Variants in OTUD7A observed in about 807,000 individuals in gnomAD.
OTUD7A encodes OTU domain-containing protein 7A.
OTUD7A carries 12 observed loss-of-function variants against 65.7 expected under a neutral mutation model. The observed-to-expected ratio is 0.18, with a 90% CI of 0.12 to 0.30. The LOEUF (loss-of-function observed/expected upper bound fraction) is 0.30, where lower values mean the gene tolerates loss of function less well. Ranked by LOEUF, OTUD7A falls within the 10% of genes least tolerant of loss-of-function variation. The pLI is 1.00. For missense variants in OTUD7A, 1,148 were observed against 1,304.8 expected (o/e 0.88, Z 1.85); for synonymous variants, 641 against 586.3 (o/e 1.09, Z -1.35).
chr15:31,750,456 A>T (rs1894603289), intron 1 of OTUD7A, among the ~76,000 whole-genome samples: 1 of 151,256 alleles, frequency 6.6e-6, no homozygotes, highest in Non-Finnish European at 1.5e-5. Flanking sequence ...CAGATTTAAC[A>T]CTATTGCTAT....
At chr15:31,746,507 AT>A (rs33918687) in intron 1 of OTUD7A, among the ~76,000 whole-genome samples, 22,443 of 143,330 alleles carry the variant, frequency 0.16, 1,826 homozygotes, top group East Asian at 0.34. Flanking sequence ...GTTTTTACAT[AT>A]TTTTTTTTTT....
chr15:31,703,041 AAAAG>A (rs551495732), intron 1 of OTUD7A, among the ~76,000 whole-genome samples: 17 of 151,842 alleles, frequency 1.1e-4, no homozygotes, highest in African/African-American at 2.4e-4. Context: ...AAACAAGAAA[AAAAG>A]AAAGAAAGAA....
chr15:31,563,527 C>A, intron 4 of OTUD7A, among the ~76,000 whole-genome samples: 1 of 152,338 alleles, frequency 6.6e-6, no homozygotes, highest in Non-Finnish European at 1.5e-5. Flanking sequence ...TGGGGTAGGG[C>A]GTCTTGGTCC....
intron 1 of OTUD7A, among the ~76,000 whole-genome samples, chr15:31,777,704 G>C (rs1895423197): frequency 6.6e-6 from 1 of 152,204 alleles, no homozygotes; most frequent in Non-Finnish European, 1.5e-5. Flanking sequence ...GGATGCACAT[G>C]GAAGAGATCT....
chr15:31,729,708 A>G (rs1260734222), intron 1 of OTUD7A, among the ~76,000 whole-genome samples: 1 of 152,130 alleles, frequency 6.6e-6, no homozygotes, highest in Admixed American at 6.5e-5. Context: ...CCTGAGGTCA[A>G]TGCACCTTTC....
chr15:31,487,299 T>C lies in OTUD7A; in HGVS notation c.1287-21A>G, dbSNP rs764894165. On this transcript the variant is annotated intron_variant, in intron 11 of 12. Transcript: ENST00000307050. The surrounding 1 kb of genome is among the most constrained non-coding windows in gnomAD (Gnocchi z 6.0). The stretch of plus-strand genomic sequence containing the variant: ...TAAGGCTGGCAAGAGAAGAATATCC[T>C]ATTGAAATGGTCTGAGCTGGCCCTT... 6.2e-7 allele frequency: 1 copy of C among 1,612,772 alleles called. No homozygotes were observed. Among genetic ancestry groups the C allele is most frequent in the Non-Finnish European group, 8.5e-7 (1 of 1,178,900 alleles).
chr15:31,593,502 T>C (rs1468999542), intron 3 of OTUD7A, among the ~76,000 whole-genome samples: 2 of 152,112 alleles, frequency 1.3e-5, no homozygotes, highest in African/African-American at 4.8e-5. Context: ...TGCTTATAAT[T>C]GGCCTATGTT....
chr15:31,743,745 AAAAAAGAAAAG>A (rs1348734976), intron 1 of OTUD7A, among the ~76,000 whole-genome samples: 4 of 143,612 alleles, frequency 2.8e-5, no homozygotes, highest in Admixed American at 7.3e-5. Flanking sequence ...CATCTCAAAA[AAAAAAGAAAAG>A]AAAAGAAAAG....
At chr15:31,846,342 G>A (rs1373766097) in intron 1 of OTUD7A, among the ~76,000 whole-genome samples, 1 of 152,204 alleles carries the variant, frequency 6.6e-6, no homozygotes, top group East Asian at 1.9e-4. Context: ...GGTTTGTGGA[G>A]GAAGGGTATG....
rs1192264396 is a variant in OTUD7A at position 31,559,137 on chromosome 15, G to A, written c.382C>T (p.Leu128=). ...ISHASSAIVS[L]ARSHVASECN... is the part of the protein sequence containing the mutation. ...TCACTTGCCACGTGGGACCGGGCCAGGGAGACGATGGCTGAGCTGGCGTGG... is the reference window on the plus strand; with the variant it reads ...TCACTTGCCACGTGGGACCGGGCCAAGGAGACGATGGCTGAGCTGGCGTGG... The change falls in exon 5 of 13, where the codon CTG becomes TTG. Residue 128 remains leucine (L), a synonymous_variant. Transcript: ENST00000307050. 5 of 1,614,232 alleles carry A rather than the reference G, an allele frequency of 3.1e-6. No individual in the cohort carries two copies. Among genetic ancestry groups the A allele is most frequent in the Admixed American group, 1.7e-5 (1 of 60,030 alleles).
chr15:31,769,228 T>C (rs1292566203), intron 1 of OTUD7A, among the ~76,000 whole-genome samples: 1 of 152,164 alleles, frequency 6.6e-6, no homozygotes. Flanking sequence ...ACATCAGATA[T>C]ATTGTCATCA....
At chr15:31,832,211 GC>G (rs1210427961) in intron 1 of OTUD7A, among the ~76,000 whole-genome samples, 3 of 152,206 alleles carry the variant, frequency 2.0e-5, no homozygotes, top group Admixed American at 6.5e-5. Flanking sequence ...CTCCGCTGGG[GC>G]TCTCTTGGCC....
intron 1 of OTUD7A, among the ~76,000 whole-genome samples, chr15:31,817,980 G>A (rs961220563): frequency 5.3e-5 from 8 of 152,164 alleles, no homozygotes; most frequent in Admixed American, 1.3e-4. Context: ...GAAGAGAGCC[G>A]TCAGAGAGCT....
At chr15:31,780,534 C>T (rs1175755593) in intron 1 of OTUD7A, among the ~76,000 whole-genome samples, 1 of 152,152 alleles carries the variant, frequency 6.6e-6, no homozygotes, top group African/African-American at 2.4e-5. Flanking sequence ...CTGTGGGCTC[C>T]GCAGCCCCAG....
chr15:31,552,888 C>A (rs1451070284), intron 5 of OTUD7A, among the ~76,000 whole-genome samples: 1 of 152,152 alleles, frequency 6.6e-6, no homozygotes, highest in African/African-American at 2.4e-5. Flanking sequence ...CCTTTGGAAG[C>A]AAGGAATGGT....
At chr15:31,685,010 A>G (rs1892803317) in intron 1 of OTUD7A, among the ~76,000 whole-genome samples, 1 of 151,784 alleles carries the variant, frequency 6.6e-6, no homozygotes. Context: ...GTCAATCACC[A>G]TATTTTAGCT....
intron 1 of OTUD7A, among the ~76,000 whole-genome samples, chr15:31,797,318 A>G (rs374241935): frequency 8.5e-5 from 13 of 152,336 alleles, no homozygotes; most frequent in African/African-American, 3.1e-4. Context: ...AACAGAACAC[A>G]AACCCCTCTA....
chr15:31,807,209 C>T (rs942860112), intron 1 of OTUD7A, among the ~76,000 whole-genome samples: 3 of 152,252 alleles, frequency 2.0e-5, no homozygotes, highest in South Asian at 2.1e-4. Context: ...CAGGTGAAAT[C>T]GAGCCTCGGA....
At chr15:31,709,040 C>A (rs969655284) in intron 1 of OTUD7A, among the ~76,000 whole-genome samples, 2 of 151,464 alleles carry the variant, frequency 1.3e-5, no homozygotes, top group African/African-American at 4.9e-5. Context: ...GAGCGGAATG[C>A]CACAGCATAC....
Sources: allele counts gnomAD v4.1 joint callset (sites outside exome capture counted in the v4.1 genomes callset), GRCh38; gene constraint gnomAD v4.1.1; non-coding constraint Gnocchi (gnomAD v3.1); transcripts MANE v1.5; gene names NCBI Gene and HGNC (gene_info 2026-07-23, HGNC 2026-07-21).